Variants in APCDD1 observed in about 807,000 individuals in gnomAD.
APCDD1 encodes APC down-regulated 1.
Under a neutral mutation model 38.1 loss-of-function variants are expected in APCDD1, and 15 were observed. The ratio of observed to expected loss-of-function variants is 0.39; its 90% CI spans 0.26 to 0.61. The LOEUF (loss-of-function observed/expected upper bound fraction) is 0.61. Ranked by LOEUF, APCDD1 falls within the 20% of genes least tolerant of loss-of-function variation. The pLI, the probability that APCDD1 is intolerant of heterozygous loss-of-function variation, is 0.49. For synonymous variants in APCDD1, 261 were observed against 279.7 expected, an observed-to-expected ratio of 0.93 and a Z score of 0.67; for missense variants, 647 against 696.2, an observed-to-expected ratio of 0.93 and a Z score of 0.79.
chr18:10,455,219 T>A (rs1254323704), intron 1 of APCDD1, among the ~76,000 whole-genome samples, 180 bp downstream of exon 1: 2 of 152,156 alleles, frequency 1.3e-5, no homozygotes, highest in Non-Finnish European at 2.9e-5. Context: ...CTCTGCCCAC[T>A]TTCCGAGGCT....
At position 10,468,709 on chromosome 18, in the gene APCDD1, CT is replaced by C. The variant is rs2030778580; in HGVS notation, c.242+59del. 6 of 1,564,262 alleles carry C rather than the reference CT, an allele frequency of 3.8e-6. No homozygotes were observed. The South Asian group carries it at 6.7e-5, about 17-fold the overall frequency. Reference sequence around the variant, plus strand: ...AGAGAGCACACCACTATGGAAGACCCTTCTTATGGGTTCTCAGATGCAGAGA... The same window carrying C: ...AGAGAGCACACCACTATGGAAGACCCTCTTATGGGTTCTCAGATGCAGAGA... On this transcript the variant is annotated intron_variant, in intron 2 of 4. Transcript: ENST00000355285.
intron 1 of APCDD1, among the ~76,000 whole-genome samples, chr18:10,464,779 C>A (rs2030665408): frequency 6.6e-6 from 1 of 152,186 alleles, no homozygotes; most frequent in African/African-American, 2.4e-5. Flanking sequence ...GAGCTTGGCA[C>A]TTTGGGCCTC....
intron 1 of APCDD1, among the ~76,000 whole-genome samples, chr18:10,458,510 TGAAAA>T (rs1464965491): frequency 2.6e-5 from 4 of 152,326 alleles, no homozygotes; most frequent in Admixed American, 2.6e-4. Flanking sequence ...AATGAAGTCT[TGAAAA>T]GAAGCATGAC....
At position 10,476,069 on chromosome 18, in the gene APCDD1, AGGAAGAAAGGCTG is replaced by A. The variant is rs2030993518; in HGVS notation, c.774+4012_774+4024del. 1 of 152,280 alleles carries A rather than the reference AGGAAGAAAGGCTG, an allele frequency of 6.6e-6. No homozygotes were observed. The highest frequency in any genetic ancestry group is 2.1e-4 in the South Asian group (1 of 4,832). 9.4% of individuals were successfully genotyped at this position (152,280 alleles called of 1,614,324 possible). The stretch of plus-strand genomic sequence containing the variant: ...GCTGTCTGTGGCCGCCAGCGGAGAC[AGGAAGAAAGGCTG>A]GGAGAACGTCTTCAAAGACCGTACA... On this transcript the variant is annotated intron_variant, in intron 3 of 4. Coordinates refer to ENST00000355285, the MANE Select transcript of APCDD1 (RefSeq NM_153000.5). This position sits in a 1 kb window ranked among gnomAD's most constrained non-coding sequence, Gnocchi z 5.8.
In APCDD1 at chr18:10,472,627, A is replaced by G. The variant is rs529731289; in HGVS notation, c.774+566A>G. Reference sequence around the variant, plus strand: ...GTCCCAGGGGTTATGGCTCCTGCCCAGGCCACGCGGCTACTGAGTTTTCCT... The same window carrying G: ...GTCCCAGGGGTTATGGCTCCTGCCCGGGCCACGCGGCTACTGAGTTTTCCT... On this transcript the variant is annotated intron_variant, in intron 3 of 4. Transcript: ENST00000355285. The surrounding 1 kb of genome is among the most constrained non-coding windows in gnomAD (Gnocchi z 6.6). Among the ~76,000 whole-genome samples the G allele has an allele frequency of 2.0e-4, 30 of 152,300 alleles. No individual in the cohort carries two copies. Among genetic ancestry groups the G allele is most frequent in the African/African-American group, 7.2e-4 (30 of 41,558 alleles).
At chr18:10,456,628 CA>C in intron 1 of APCDD1, among the ~76,000 whole-genome samples, 1 of 152,180 alleles carries the variant, frequency 6.6e-6, no homozygotes, top group Non-Finnish European at 1.5e-5. Context: ...ACCTTGTACA[CA>C]AGGTAACTCT....
chr18:10,463,244 A>G (rs1265845652), intron 1 of APCDD1, among the ~76,000 whole-genome samples: 4 of 151,880 alleles, frequency 2.6e-5, no homozygotes, highest in African/African-American at 9.7e-5. Flanking sequence ...AAGAATTCAG[A>G]CCCTGCCCCC....
intron 3 of APCDD1, among the ~76,000 whole-genome samples, chr18:10,474,424 A>T (rs1206268808): frequency 6.6e-6 from 1 of 151,922 alleles, no homozygotes. Context: ...GCCTCAAAAC[A>T]CCAAAAAGCA....
chr18:10,477,011 C>T (rs993209721), intron 3 of APCDD1: 3 of 152,296 alleles, frequency 2.0e-5, no homozygotes, highest in African/African-American at 7.2e-5. Context: ...CTGGACTTTT[C>T]AGCCTAGCTG....
In APCDD1 at chr18:10,470,711, C is replaced by T. The variant is rs1429809478; in HGVS notation, c.243-819C>T. Among the ~76,000 whole-genome samples, 5 of 152,210 alleles carry T rather than the reference C, an allele frequency of 3.3e-5. No homozygotes were observed. Among genetic ancestry groups the T allele is most frequent in the Non-Finnish European group, 5.9e-5 (4 of 68,048 alleles). On this transcript the variant is annotated intron_variant, in intron 2 of 4. Coordinates refer to ENST00000355285, the MANE Select transcript of APCDD1 (RefSeq NM_153000.5). This position sits in a 1 kb window ranked among gnomAD's most constrained non-coding sequence, Gnocchi z 4.1. ...TTGGCCAGGGCTTTAAGTACCTCCC[C>T]GTACCCCCATTGCAGCCTCAGCTAG...
rs1280124198 is a variant in APCDD1, at chr18:10,472,796, G to T, written c.774+735G>T. ...ACCTTATAATGTCTTTTCCTTGAAT[G>T]ATATTCTAGTAATTATATTTGGAAT... On this transcript the variant is annotated intron_variant, in intron 3 of 4. Transcript: ENST00000355285. This position sits in a 1 kb window ranked among gnomAD's most constrained non-coding sequence, Gnocchi z 6.6. 1.3e-5 allele frequency among the ~76,000 whole-genome samples: 2 copies of T among 152,224 alleles called. No individual in the cohort carries two copies. The highest frequency in any genetic ancestry group is 4.8e-5 in the African/African-American group (2 of 41,462).
At chr18:10,464,512 TTC>T (rs1428093495) in intron 1 of APCDD1, among the ~76,000 whole-genome samples, 1 of 152,232 alleles carries the variant, frequency 6.6e-6, no homozygotes, top group Non-Finnish European at 1.5e-5. Flanking sequence ...AGCCTTGAAC[TTC>T]TGGGCTCATG....
chr18:10,456,546 G>A (rs1006619524), intron 1 of APCDD1, among the ~76,000 whole-genome samples: 1 of 152,192 alleles, frequency 6.6e-6, no homozygotes, highest in African/African-American at 2.4e-5. Context: ...TACTTAAAAA[G>A]TTGGCATGAA....
chr18:10,455,089 G>C (rs1189150886), intron 1 of APCDD1, 50 bp downstream of exon 1: 1 of 1,544,478 alleles, frequency 6.5e-7, no homozygotes, highest in African/African-American at 1.4e-5. Flanking sequence ...GAGGCAGCCC[G>C]GGCGCCGCGG....
chr18:10,469,664 G>C lies in APCDD1; in HGVS notation c.242+1012G>C, dbSNP rs2030804454. Among the ~76,000 whole-genome samples the C allele has an allele frequency of 6.6e-6, 1 of 152,138 alleles. No individual in the cohort carries two copies. The highest frequency in any genetic ancestry group is 1.5e-5 in the Non-Finnish European group (1 of 68,026). The stretch of plus-strand genomic sequence containing the variant: ...TGGGGCAGCAACAGGTGCTAAAAGA[G>C]AATACCAGGGGGCCCCATTTTAAAA... On this transcript the variant is annotated intron_variant, in intron 2 of 4. Coordinates refer to ENST00000355285, the MANE Select transcript of APCDD1 (RefSeq NM_153000.5). The surrounding 1 kb of genome is among the most constrained non-coding windows in gnomAD (Gnocchi z 5.5).
In APCDD1 at chr18:10,454,650, C is replaced by T. The variant is rs1419999351; in HGVS notation, c.-332C>T. On this transcript the variant is annotated 5_prime_UTR_variant, in exon 1 of 5. Coordinates refer to ENST00000355285, the MANE Select transcript of APCDD1 (RefSeq NM_153000.5). ...CTGGAAATATGAAGAGACGCTGCAGCTGCGGTGGCGGTGGCGGCCACTGCA... is the reference window on the plus strand; with the variant it reads ...CTGGAAATATGAAGAGACGCTGCAGTTGCGGTGGCGGTGGCGGCCACTGCA... 11 of 1,041,408 alleles carry T rather than the reference C, an allele frequency of 1.1e-5. No homozygotes were observed. Among genetic ancestry groups the T allele is most frequent in the Non-Finnish European group, 1.3e-5 (11 of 866,642 alleles). The allele number at this position is 1,041,408 out of a possible 1,614,324, so 64.5% of individuals were successfully genotyped here.
At chr18:10,457,280 C>T (rs997490445) in intron 1 of APCDD1, among the ~76,000 whole-genome samples, 2 of 152,164 alleles carry the variant, frequency 1.3e-5, no homozygotes, top group African/African-American at 2.4e-5. Context: ...TTCCTTTCCC[C>T]TTTCCCCCAT....
chr18:10,464,351 C>T (rs1332538024), intron 1 of APCDD1, among the ~76,000 whole-genome samples: 3 of 150,226 alleles, frequency 2.0e-5, no homozygotes, highest in Non-Finnish European at 4.4e-5. Context: ...CACAGACACA[C>T]ACACACAAAA....
In APCDD1 at chr18:10,471,821, G is replaced by C; in HGVS notation, c.534G>C (p.Gly178=). The part of the protein sequence containing the change: ...NRTCPGFLAD[G]GPWVQDVAYD... The stretch of plus-strand genomic sequence containing the variant: ...CATGCCCGGGCTTCCTCGCAGACGG[G>C]GGTCCCTGGGTGCAGGACGTGGCCT... The change falls in exon 3 of 5, where the codon GGG becomes GGC. Residue 178 remains glycine, a synonymous_variant. Transcript: ENST00000355285. The surrounding 1 kb of genome is among the most constrained non-coding windows in gnomAD (Gnocchi z 5.5). 6.2e-7 allele frequency: 1 copy of C among 1,613,872 alleles called. No individual in the cohort carries two copies. The highest frequency in any genetic ancestry group is 8.5e-7 in the Non-Finnish European group (1 of 1,179,830).
Sources: gnomAD v4.1 joint callset for allele counts (sites outside exome capture counted in the v4.1 genomes callset) on GRCh38, gnomAD v4.1.1 for gene constraint, Gnocchi (gnomAD v3.1) non-coding constraint, MANE v1.5 for transcripts, NCBI Gene and HGNC (gene_info 2026-07-23, HGNC 2026-07-21) for gene names.